AXDND1: variants seen among roughly 807,000 people sequenced by gnomAD.
AXDND1 encodes the protein axonemal dynein light chain domain-containing protein 1.
Under a neutral mutation model 137.5 loss-of-function variants are expected in AXDND1, and 110 were observed. The ratio of observed to expected loss-of-function variants is 0.80; its 90% confidence interval spans 0.69 to 0.94. The LOEUF is 0.94. Among genes scored for constraint, AXDND1 ranks in the 40% least tolerant of loss-of-function variants. AXDND1 has a pLI of 0.00. For synonymous variants in AXDND1, 414 were observed against 399.7 expected (o/e 1.04, Z -0.43); for missense variants, 1,191 against 1,169.8 (o/e 1.02, Z -0.26).
chr1:179,427,279 G>A (rs1656719505), intron 12 of AXDND1, among the ~76,000 whole-genome samples: 1 of 152,048 alleles, frequency 6.6e-6, no homozygotes, highest in African/African-American at 2.4e-5. Context: ...CATTACCTTT[G>A]GTTAGTTGAA....
chr1:179,416,474 G>GT (rs1425658762), intron 12 of AXDND1, among the ~76,000 whole-genome samples: 3 of 152,116 alleles, frequency 2.0e-5, no homozygotes, highest in African/African-American at 7.2e-5. Flanking sequence ...TCTGGTTTTA[G>GT]TTTTTTGAGG....
intron 9 of AXDND1, among the ~76,000 whole-genome samples, chr1:179,386,295 G>A (rs902611172): frequency 8.6e-5 from 13 of 151,932 alleles, no homozygotes; most frequent in South Asian, 8.3e-4. Flanking sequence ...TGATCTGCCT[G>A]CCTTGGCCTT....
intron 1 of AXDND1, 108 bp from the exon 2 acceptor site, chr1:179,366,296 G>A (rs1284711971): frequency 1.4e-5 from 6 of 426,922 alleles, no homozygotes; most frequent in Non-Finnish European, 2.6e-5. Context: ...AGGTCGCCCC[G>A]AAGAAGGAGA....
At chr1:179,409,162 A>G (rs1653462047) in intron 11 of AXDND1, among the ~76,000 whole-genome samples, 1 of 151,746 alleles carries the variant, frequency 6.6e-6, no homozygotes, top group African/African-American at 2.4e-5. Context: ...TTTCTTGTAC[A>G]TATTTTTCAC....
intron 25 of AXDND1, among the ~76,000 whole-genome samples, chr1:179,542,627 A>G (rs2125733441): frequency 6.6e-6 from 1 of 152,332 alleles, no homozygotes; most frequent in African/African-American, 2.4e-5. Flanking sequence ...TAGGAAGATA[A>G]ATAAGCAAAC....
intron 23 of AXDND1, chr1:179,532,933 T>G (rs905391275): frequency 1.4e-5 from 2 of 145,012 alleles, no homozygotes; most frequent in African/African-American, 5.0e-5. Context: ...AATAAATAAA[T>G]AGTGAAGAGA....
chr1:179,404,953 T>C (rs979406432), intron 11 of AXDND1, among the ~76,000 whole-genome samples: 1 of 152,072 alleles, frequency 6.6e-6, no homozygotes, highest in Non-Finnish European at 1.5e-5. Context: ...ATGTGCAGAA[T>C]GTGCAGGTTT....
chr1:179,474,256 T>C (rs1664337472), intron 17 of AXDND1, among the ~76,000 whole-genome samples: 1 of 152,104 alleles, frequency 6.6e-6, no homozygotes, highest in Admixed American at 6.5e-5. Flanking sequence ...GGGTAGTTTT[T>C]TTATAGCAGT....
At chr1:179,417,553 T>A (rs1316450825) in intron 12 of AXDND1, among the ~76,000 whole-genome samples, 1 of 152,166 alleles carries the variant, frequency 6.6e-6, no homozygotes, top group Non-Finnish European at 1.5e-5. Context: ...GGTCTAGTTT[T>A]ATTGTTGCAT....
intron 11 of AXDND1, among the ~76,000 whole-genome samples, chr1:179,407,756 A>G (rs1265616781): frequency 6.6e-6 from 1 of 151,924 alleles, no homozygotes; most frequent in African/African-American, 2.4e-5. Flanking sequence ...TGGGTTGGGG[A>G]TCTTTGAGCT....
intron 16 of AXDND1, among the ~76,000 whole-genome samples, 194 bp from the exon 17 acceptor site, chr1:179,468,249 C>T (rs1405971846): frequency 6.6e-6 from 1 of 152,094 alleles, no homozygotes; most frequent in East Asian, 1.9e-4. Context: ...CATTAAAGCA[C>T]CAATTACACA....
At chr1:179,374,950 A>C (rs1571529281) in intron 4 of AXDND1, among the ~76,000 whole-genome samples, 1 of 152,128 alleles carries the variant, frequency 6.6e-6, no homozygotes, top group Admixed American at 6.6e-5. Flanking sequence ...CACATTGTGC[A>C]CATGTACCCT....
chr1:179,489,987 A>T (rs6425566), intron 18 of AXDND1, among the ~76,000 whole-genome samples: 5 of 151,864 alleles, frequency 3.3e-5, no homozygotes, highest in Admixed American at 1.3e-4. Context: ...CTCGTGATCC[A>T]CCTGCCTCGG....
rs533879013 is a variant in AXDND1, at chr1:179,496,497, C to G, written c.2388+3546C>G. Among the ~76,000 whole-genome samples the G allele has an allele frequency of 3.9e-5, 6 of 152,106 alleles. No homozygotes were observed. The East Asian group carries it at 1.2e-3, about 29-fold the overall frequency. The stretch of plus-strand genomic sequence containing the variant: ...CTAAGTTGTCTAGTTTATTGTCATG[C>G]AATTGCTCACAATATTCCCTTATTA... On this transcript the variant is annotated intron_variant, in intron 20 of 25. Coordinates refer to ENST00000367618, the MANE Select transcript of AXDND1 (RefSeq NM_144696.6).
Position 179,395,157 on chromosome 1 carries a change from A to T in AXDND1, c.1064A>T (p.His355Leu). 1 of 1,613,674 alleles carries T rather than the reference A, an allele frequency of 6.2e-7. No homozygotes were observed. The highest frequency in any genetic ancestry group is 8.5e-7 in the Non-Finnish European group (1 of 1,179,796). Reference protein sequence around the residue: ...VKLTKETEKAHKDLAQALLNA... With the variant: ...VKLTKETEKALKDLAQALLNA... ...TTAACAAAGGAAACAGAAAAAGCCC[A>T]CAAGGATTTGGCACAAGCTCTTTTA... Residue 355 changes from histidine (H) to leucine (L), a missense_variant, in exon 11 of 26, where the codon CAC becomes CTC. Physicochemically the swap from His to Leu is moderately conservative, Grantham distance 99. Transcript: ENST00000367618.
intron 16 of AXDND1, among the ~76,000 whole-genome samples, chr1:179,467,161 G>A (rs1663312763): frequency 6.6e-6 from 1 of 151,974 alleles, no homozygotes; most frequent in African/African-American, 2.4e-5. Flanking sequence ...AAACATTTTT[G>A]CTCAGTGCAT....
At chr1:179,505,256 A>G (rs923878345) in intron 20 of AXDND1, among the ~76,000 whole-genome samples, 4 of 152,200 alleles carry the variant, frequency 2.6e-5, no homozygotes, top group African/African-American at 9.6e-5. Flanking sequence ...CATTTGACCT[A>G]CTAGACTGAT....
rs1572078050 is a variant in AXDND1 at position 179,495,588 on chromosome 1, G to T, written c.2388+2637G>T. Among the ~76,000 whole-genome samples, 5 of 151,296 alleles carry T rather than the reference G, an allele frequency of 3.3e-5. No homozygotes were observed. In the South Asian group the frequency reaches 1.0e-3, roughly 31 times the overall value. ...TCCTTCTAAGAATTTTTTTTATTTT[G>T]TTTTTTTCAGATTCTTTGGGATTTT... is the stretch of plus-strand genomic sequence containing the variant. On this transcript the variant is annotated intron_variant, in intron 20 of 25. Coordinates refer to ENST00000367618, the MANE Select transcript of AXDND1 (RefSeq NM_144696.6).
At chr1:179,372,054 GTTGT>G (rs1246149720) in intron 4 of AXDND1, among the ~76,000 whole-genome samples, 1 of 152,140 alleles carries the variant, frequency 6.6e-6, no homozygotes, top group Admixed American at 6.5e-5. Flanking sequence ...ATAAATTTAT[GTTGT>G]TTAAGATGCT....
Sources: gnomAD v4.1 joint callset for allele counts (sites outside exome capture counted in the v4.1 genomes callset) on GRCh38, gnomAD v4.1.1 for gene constraint, MANE v1.5 for transcripts, NCBI Gene and HGNC (gene_info 2026-07-23, HGNC 2026-07-21) for gene names.